BRD4: variants seen among roughly 807,000 people sequenced by gnomAD.
BRD4 encodes bromodomain containing 4.
A neutral mutation model predicts 142.1 loss-of-function variants in BRD4; 16 were observed. The ratio of observed to expected loss-of-function variants is 0.11; its 90% CI spans 0.08 to 0.17. The LOEUF is 0.17. BRD4 is among the 10% of genes least tolerant of loss of function. The probability of loss-of-function intolerance (pLI) is 1.00; values close to 1 mark genes in which losing one functional copy is unlikely to be tolerated. For synonymous variants in BRD4, 833 were observed against 707.5 expected (o/e 1.18, Z -2.82); for missense variants, 1,424 against 1,810.9 (o/e 0.79, Z 3.88).
chr19:15,292,798 A>G (rs1166681369), intron 1 of BRD4, among the ~76,000 whole-genome samples: 4 of 138,946 alleles, frequency 2.9e-5, no homozygotes, highest in African/African-American at 1.2e-4. Context: ...AAAAAAAAAA[A>G]AAAAAAAAAA....
intron 1 of BRD4, among the ~76,000 whole-genome samples, chr19:15,289,335 T>C (rs965654698): frequency 6.6e-6 from 1 of 152,164 alleles, no homozygotes; most frequent in Non-Finnish European, 1.5e-5. Flanking sequence ...GTGGATCACC[T>C]GAGGTCAGGA....
chr19:15,267,307 T>C (rs1307643399), intron 4 of BRD4, 109 bp downstream of exon 4: 4 of 1,342,822 alleles, frequency 3.0e-6, no homozygotes, highest in Non-Finnish European at 3.1e-6. Context: ...CAACACGGCA[T>C]GCAGTATATA....
chr19:15,291,835 T>C (rs2047784090), intron 1 of BRD4, among the ~76,000 whole-genome samples: 1 of 152,228 alleles, frequency 6.6e-6, no homozygotes, highest in African/African-American at 2.4e-5. Flanking sequence ...ACGACTTCAG[T>C]GGTTTGCATG....
At chr19:15,240,090 G>A (rs1405530761) in intron 14 of BRD4, 68 bp from the exon 15 acceptor site, 12 of 1,534,740 alleles carry the variant, frequency 7.8e-6, no homozygotes, top group African/African-American at 4.1e-5. Context: ...AGAATTGTCG[G>A]GAAGGAAAAC....
chr19:15,262,539 A>G lies in BRD4; in HGVS notation c.1341+881T>C, dbSNP rs573777539. On this transcript the variant is annotated intron_variant, in intron 7 of 19. Transcript: ENST00000679869. ...CCCATCTCTTTAAAAAAAAAAAAAA[A>G]AAAGAAAAAAAAAAAGAAAATAAAC... Among the ~76,000 whole-genome samples, 1,375 of 141,742 alleles carry G rather than the reference A, an allele frequency of 9.7e-3. 70 individuals are homozygous for G. Among genetic ancestry groups the G allele is most frequent in the Admixed American group, 0.082 (1,202 of 14,710 alleles). The allele number at this position is 141,742 out of a possible 152,430, so 93.0% of individuals were successfully genotyped here.
intron 10 of BRD4, 98 bp from the exon 11 acceptor site, chr19:15,254,360 T>C (rs2047383525): frequency 1.1e-5 from 12 of 1,056,582 alleles, no homozygotes; most frequent in Middle Eastern, 2.6e-4. Context: ...GAAGGACCAG[T>C]GAGGAGCCTG....
At chr19:15,248,048 A>G (rs2047306879) in intron 11 of BRD4, 2 of 217,098 alleles carry the variant, frequency 9.2e-6, no homozygotes, top group East Asian at 6.7e-5. Context: ...GTTCCAGAAG[A>G]AGGCAGGCCT....
At chr19:15,244,913 T>G in intron 11 of BRD4, 151 bp from the exon 12 acceptor site, 1 of 1,367,144 alleles carries the variant, frequency 7.3e-7, no homozygotes, top group Non-Finnish European at 9.9e-7. Flanking sequence ...GATGAGTTGG[T>G]CATCACGGGA....
intron 1 of BRD4, among the ~76,000 whole-genome samples, chr19:15,303,251 G>A (rs543728733): frequency 1.3e-5 from 2 of 152,308 alleles, no homozygotes; most frequent in South Asian, 4.1e-4. Context: ...TTTATGTACA[G>A]ACAGTTAATC....
chr19:15,246,123 G>T (rs1031979414), intron 11 of BRD4, among the ~76,000 whole-genome samples: 6 of 152,204 alleles, frequency 3.9e-5, no homozygotes, highest in Admixed American at 2.6e-4. Context: ...GGGGGAACCT[G>T]GGGCCCCGCC....
chr19:15,330,315 C>A (rs2048146066), intron 1 of BRD4, among the ~76,000 whole-genome samples: 1 of 152,152 alleles, frequency 6.6e-6, no homozygotes, highest in Admixed American at 6.5e-5. Flanking sequence ...TTAGGCTTTG[C>A]CTTCTCCATT....
rs1837866038 is a variant in BRD4, at chr19:15,264,485, G to A, written c.1131C>T (p.Tyr377=). ...CCAGTGCCTCCACGTCCACAGGCTT[G>A]TAGAAGGGCCAGGCGTAGGCGGCGT... The part of the protein sequence containing the change: ...KKHAAYAWPF[Y]KPVDVEALGL... The change falls in exon 6 of 20, where the codon TAC becomes TAT. Residue 377 remains tyrosine, a synonymous_variant. Transcript: ENST00000679869. The A allele has an allele frequency of 6.2e-7, 1 of 1,613,614 alleles. No homozygotes were observed. Among genetic ancestry groups the A allele is most frequent in the Middle Eastern group, 1.7e-4 (1 of 6,056 alleles).
At chr19:15,310,792 G>A (rs1298505285) in intron 1 of BRD4, among the ~76,000 whole-genome samples, 1 of 151,676 alleles carries the variant, frequency 6.6e-6, no homozygotes, top group Non-Finnish European at 1.5e-5. Flanking sequence ...ACCGTGCCTG[G>A]CCTTAAACAG....
chr19:15,332,076 C>G (rs2048166228), intron 1 of BRD4, among the ~76,000 whole-genome samples: 2 of 145,344 alleles, frequency 1.4e-5, no homozygotes. Context: ...GCCCCGACAC[C>G]AACGGCGCAG....
At chr19:15,278,828 G>A (rs1438639972) in intron 1 of BRD4, among the ~76,000 whole-genome samples, 2 of 152,118 alleles carry the variant, frequency 1.3e-5, no homozygotes, top group African/African-American at 2.4e-5. Flanking sequence ...ATAGACCTCT[G>A]ATTAAGCATG....
chr19:15,299,841 G>T (rs964732061), intron 1 of BRD4, among the ~76,000 whole-genome samples: 3 of 152,172 alleles, frequency 2.0e-5, no homozygotes, highest in Admixed American at 1.3e-4. Flanking sequence ...ACCCACCCAG[G>T]CCTGTTAAGG....
intron 11 of BRD4, chr19:15,253,818 C>T (rs1468983551): frequency 6.4e-7 from 1 of 1,552,198 alleles, no homozygotes; most frequent in African/African-American, 1.3e-5. Context: ...ACAGCACAGC[C>T]TGGACCCCCA....
At chr19:15,287,877 T>C (rs2047752206) in intron 1 of BRD4, among the ~76,000 whole-genome samples, 1 of 152,084 alleles carries the variant, frequency 6.6e-6, no homozygotes, top group African/African-American at 2.4e-5. Flanking sequence ...TCGGCGATTC[T>C]TGTGCCTCAG....
At position 15,253,519 on chromosome 19, in the gene BRD4, G is replaced by A. The variant is rs372317798; in HGVS notation, c.2158+633C>T. 5.5e-5 allele frequency: 82 copies of A among 1,489,544 alleles called. No individual in the cohort carries two copies. The South Asian group carries it at 5.9e-4, about 11-fold the overall frequency. 92.3% of individuals were successfully genotyped at this position (1,489,544 alleles called of 1,614,324 possible). On this transcript the variant is annotated intron_variant, in intron 11 of 19. Transcript: ENST00000679869. ...GACTGTTAGTTAGAACTGCAGGAGG[G>A]ACACGCAAGTCCAGGTGCGTGTGGA... is the stretch of plus-strand genomic sequence containing the variant.
Sources: allele counts gnomAD v4.1 joint callset (sites outside exome capture counted in the v4.1 genomes callset), GRCh38; gene constraint gnomAD v4.1.1; transcripts MANE v1.5; gene names NCBI Gene and HGNC (gene_info 2026-07-23, HGNC 2026-07-21).